CDH4: variants seen among roughly 807,000 people sequenced by gnomAD.
CDH4 encodes cadherin-4.
Under a neutral mutation model 86.0 loss-of-function variants are expected in CDH4, and 33 were observed. The observed-to-expected ratio is 0.38, with a 90% CI of 0.29 to 0.51. CDH4 has a LOEUF of 0.51. CDH4 is among the 20% of genes least tolerant of loss of function. The pLI, the probability that CDH4 is intolerant of heterozygous loss-of-function variation, is 0.86. For missense variants in CDH4, 1,114 were observed against 1,307.4 expected, an observed-to-expected ratio of 0.85 and a Z score of 2.28; for synonymous variants, 555 against 549.4, an observed-to-expected ratio of 1.01 and a Z score of -0.14.
rs559003272 is a variant in CDH4 at position 61,495,377 on chromosome 20, G to A, written c.169+240440G>A. The stretch of plus-strand genomic sequence containing the variant: ...GCTGTGGGAGGGAGTCCAGCCACAT[G>A]GAGCCTGGAACCCCTCCCCCCGCCG... On this transcript the variant is annotated intron_variant, in intron 2 of 15. Coordinates refer to ENST00000614565, the MANE Select transcript of CDH4 (RefSeq NM_001794.5). Among the ~76,000 whole-genome samples, 22 of 152,278 alleles carry A rather than the reference G, an allele frequency of 1.4e-4. No individual in the cohort carries two copies. The East Asian group carries it at 4.1e-3, about 28-fold the overall frequency.
intron 2 of CDH4, among the ~76,000 whole-genome samples, chr20:61,439,399 T>C (rs1191887513): frequency 6.6e-6 from 1 of 152,204 alleles, no homozygotes; most frequent in Non-Finnish European, 1.5e-5. Context: ...GAGTTTCTCA[T>C]GCACCTGCAC....
chr20:61,342,643 C>T (rs1440505732), intron 2 of CDH4, among the ~76,000 whole-genome samples: 1 of 152,180 alleles, frequency 6.6e-6, no homozygotes, highest in Non-Finnish European at 1.5e-5. Flanking sequence ...GGCCACAGAC[C>T]AGGACCAGTC....
intron 2 of CDH4, among the ~76,000 whole-genome samples, chr20:61,690,230 T>G (rs1408126903): frequency 1.3e-5 from 2 of 151,854 alleles, no homozygotes; most frequent in African/African-American, 4.8e-5. Flanking sequence ...AGCTGATGTG[T>G]AATTGGGCGG....
Position 61,923,582 on chromosome 20 carries a change from C to A in CDH4, c.1506C>A (p.Asn502Lys), listed in dbSNP as rs191072698. ...TGACCATCTCCATCATGGACATCAACGAGGCTCCCTACTTCCCCTCAAACC... is the reference window on the plus strand; with the variant it reads ...TGACCATCTCCATCATGGACATCAAAGAGGCTCCCTACTTCCCCTCAAACC... ...AGVTISIMDI[N>K]EAPYFPSNHK... The change falls in exon 10 of 16, where the codon AAC (asparagine) becomes AAA (lysine). Residue 502 changes from asparagine (N) to lysine (K), a missense_variant. Transcript: ENST00000614565. 3.7e-6 allele frequency: 6 copies of A among 1,614,192 alleles called. No homozygotes were observed. Among genetic ancestry groups the A allele is most frequent in the Non-Finnish European group, 5.1e-6 (6 of 1,180,036 alleles).
intron 2 of CDH4, among the ~76,000 whole-genome samples, chr20:61,573,076 G>A (rs370680170): frequency 6.8e-6 from 1 of 146,922 alleles, no homozygotes; most frequent in Non-Finnish European, 1.5e-5. Context: ...ATGGATAGAT[G>A]GTTGGATGGA....
intron 5 of CDH4, among the ~76,000 whole-genome samples, chr20:61,845,341 G>A (rs752547280): frequency 1.9e-4 from 29 of 152,340 alleles, no homozygotes; most frequent in South Asian, 4.1e-4. Context: ...AAGGAGAGCC[G>A]CGCTGATTCC....
intron 2 of CDH4, among the ~76,000 whole-genome samples, chr20:61,524,704 C>T (rs1049779794): frequency 5.9e-5 from 9 of 152,112 alleles, no homozygotes; most frequent in African/African-American, 1.4e-4. Flanking sequence ...AGGCTGGTCT[C>T]GAACTCCTGA....
At chr20:61,547,225 C>CTTTT (rs2086094403) in intron 2 of CDH4, among the ~76,000 whole-genome samples, 1 of 7,176 alleles carries the variant, frequency 1.4e-4, no homozygotes, top group South Asian at 4.0e-3. Flanking sequence ...TTTTTTTTTG[C>CTTTT]CCCCTGAGAC....
intron 2 of CDH4, among the ~76,000 whole-genome samples, chr20:61,615,311 G>T (rs1377889653): frequency 6.6e-6 from 1 of 151,054 alleles, no homozygotes; most frequent in Non-Finnish European, 1.5e-5. Context: ...TAGCAGAGAT[G>T]TGGTTTCACG....
chr20:61,906,306 G>C (rs1394244867), intron 8 of CDH4, among the ~76,000 whole-genome samples: 1 of 152,218 alleles, frequency 6.6e-6, no homozygotes, highest in Admixed American at 6.5e-5. Flanking sequence ...AAATGAATGG[G>C]GTGTGGCTGG....
chr20:61,566,199 G>T (rs571336746), intron 2 of CDH4, among the ~76,000 whole-genome samples: 1 of 152,224 alleles, frequency 6.6e-6, no homozygotes, highest in Admixed American at 6.5e-5. Context: ...CCGGGCCCAT[G>T]TGGCTGACTC....
intron 5 of CDH4, among the ~76,000 whole-genome samples, chr20:61,851,392 G>T (rs1982719193): frequency 6.6e-6 from 1 of 152,204 alleles, no homozygotes; most frequent in African/African-American, 2.4e-5. Flanking sequence ...TTAGCTCCTG[G>T]GTTTCCCTGG....
chr20:61,592,068 T>C (rs2086522904), intron 2 of CDH4, among the ~76,000 whole-genome samples: 1 of 152,032 alleles, frequency 6.6e-6, no homozygotes, highest in Non-Finnish European at 1.5e-5. Flanking sequence ...CTGTCAATCC[T>C]TCTTTTAAGC....
At chr20:61,849,376 G>A (rs144969027) in intron 5 of CDH4, among the ~76,000 whole-genome samples, 4 of 152,336 alleles carry the variant, frequency 2.6e-5, no homozygotes, top group South Asian at 2.1e-4. Flanking sequence ...ACTGTGTAAC[G>A]AATCAGCACA....
chr20:61,647,668 A>T (rs1600837268), intron 2 of CDH4, among the ~76,000 whole-genome samples: 1 of 150,770 alleles, frequency 6.6e-6, no homozygotes, highest in East Asian at 2.0e-4. Flanking sequence ...CCCATCTGGG[A>T]GGCTACTGCT....
rs187171246 is a variant in CDH4 at position 61,501,297 on chromosome 20, T to C, written c.170-242266T>C. ...CTGCAGCCTGCGATAATACAGCTAATACATTATTGCCTCTGGCTTCCGTGC... is the reference window on the plus strand; with the variant it reads ...CTGCAGCCTGCGATAATACAGCTAACACATTATTGCCTCTGGCTTCCGTGC... On this transcript the variant is annotated intron_variant, in intron 2 of 15. Transcript: ENST00000614565. The surrounding 1 kb of genome is among the most constrained non-coding windows in gnomAD (Gnocchi z 4.2). 9.2e-5 allele frequency among the ~76,000 whole-genome samples: 14 copies of C among 152,306 alleles called. No homozygotes were observed. The highest frequency in any genetic ancestry group is 6.2e-4 in the South Asian group (3 of 4,826).
In CDH4 at chr20:61,448,440, C is replaced by T. The variant is rs1475761083; in HGVS notation, c.169+193503C>T. On this transcript the variant is annotated intron_variant, in intron 2 of 15. Transcript: ENST00000614565. ...TTTGCTACTCGCACCCAACAGAGTACGGTTAATCATACATCACGGCACAGC... is the reference window on the plus strand; with the variant it reads ...TTTGCTACTCGCACCCAACAGAGTATGGTTAATCATACATCACGGCACAGC... Among the ~76,000 whole-genome samples the T allele has an allele frequency of 7.9e-5, 12 of 152,304 alleles. No individual in the cohort carries two copies. The East Asian group carries it at 1.5e-3, about 20-fold the overall frequency.
At chr20:61,600,918 C>A (rs2086595592) in intron 2 of CDH4, among the ~76,000 whole-genome samples, 1 of 152,104 alleles carries the variant, frequency 6.6e-6, no homozygotes, top group Non-Finnish European at 1.5e-5. Flanking sequence ...TACCATGACC[C>A]TGTGGACTTG....
chr20:61,498,468 A>C (rs2085678184), intron 2 of CDH4, among the ~76,000 whole-genome samples: 1 of 152,222 alleles, frequency 6.6e-6, no homozygotes, highest in South Asian at 2.1e-4. Context: ...ACCTTTGAGA[A>C]TTGTCTACTC....
Sources: gnomAD v4.1 joint callset for allele counts (sites outside exome capture counted in the v4.1 genomes callset) on GRCh38, gnomAD v4.1.1 for gene constraint, Gnocchi (gnomAD v3.1) non-coding constraint, MANE v1.5 for transcripts, NCBI Gene and HGNC (gene_info 2026-07-23, HGNC 2026-07-21) for gene names.